Variants in CFHR4 observed in about 807,000 individuals in gnomAD.
CFHR4 encodes complement factor H related 4.
CFHR4 carries 64 observed loss-of-function variants against 69.3 expected under a neutral mutation model. That is an observed-to-expected ratio of 0.92 (90% CI 0.76 to 1.14). The LOEUF is 1.14. Among genes scored for constraint, CFHR4 ranks in the 50% most tolerant of loss-of-function variants. The pLI is 0.00. For synonymous variants in CFHR4, 244 were observed against 237.0 expected (o/e 1.03, Z -0.27); for missense variants, 636 against 684.9 (o/e 0.93, Z 0.80).
At position 196,912,547 on chromosome 1, in the gene CFHR4, C is replaced by T. The variant is rs191392544; in HGVS notation, c.998-193C>T. On this transcript the variant is annotated intron_variant, in intron 6 of 9. Transcript: ENST00000608469. Reference sequence around the variant, plus strand: ...GCTTTTATTCTGCCCTTCCCTGTGTCTTCAACATTTCCTTCAGAAATTCGT... The same window carrying T: ...GCTTTTATTCTGCCCTTCCCTGTGTTTTCAACATTTCCTTCAGAAATTCGT... 3.3e-3 allele frequency among the ~76,000 whole-genome samples: 501 copies of T among 150,832 alleles called. 19 individuals carry two copies. Among genetic ancestry groups the T allele is most frequent in the African/African-American group, 0.012 (469 of 40,536 alleles).
intron 1 of CFHR4, among the ~76,000 whole-genome samples, chr1:196,899,430 A>G (rs1657479832): frequency 6.6e-6 from 1 of 151,462 alleles, no homozygotes; most frequent in Non-Finnish European, 1.5e-5. Flanking sequence ...AGCAGTTGGG[A>G]ATATAGGCAT....
intron 1 of CFHR4, among the ~76,000 whole-genome samples, 197 bp downstream of exon 1, chr1:196,888,405 A>G (rs1656841915): frequency 1.3e-5 from 2 of 151,446 alleles, no homozygotes; most frequent in South Asian, 2.1e-4. Flanking sequence ...GAAAAAATGA[A>G]TAATATTTTC....
chr1:196,906,716 A>T (rs1047802492), intron 3 of CFHR4, 145 bp from the exon 4 acceptor site: 26 of 801,584 alleles, frequency 3.2e-5, no homozygotes, highest in Non-Finnish European at 4.1e-5. Flanking sequence ...CACAAAAAAA[A>T]CACTGATTGT....
intron 1 of CFHR4, among the ~76,000 whole-genome samples, chr1:196,897,770 T>C (rs949880177): frequency 1.3e-5 from 2 of 151,296 alleles, no homozygotes; most frequent in Non-Finnish European, 2.9e-5. Context: ...GTTGGGTTTA[T>C]ATGGGGGCTG....
In CFHR4 at chr1:196,913,547, C is replaced by T. The variant is rs115304504; in HGVS notation, c.1180+625C>T. 7.6e-3 allele frequency among the ~76,000 whole-genome samples: 1,150 copies of T among 151,490 alleles called. 59 individuals are homozygous for T. The highest frequency in any genetic ancestry group is 0.027 in the African/African-American group (1,090 of 41,108). ...ACATGTAAAGTTCTCTGAACATGCT[C>T]GACCTTTACTTATTATGATAAAGAG... is the stretch of plus-strand genomic sequence containing the variant. On this transcript the variant is annotated intron_variant, in intron 7 of 9. Transcript: ENST00000608469.
At chr1:196,894,750 C>T (rs943148885) in intron 1 of CFHR4, among the ~76,000 whole-genome samples, 1 of 151,340 alleles carries the variant, frequency 6.6e-6, no homozygotes, top group Non-Finnish European at 1.5e-5. Flanking sequence ...TGTGTCTTTG[C>T]TATTTAAAAA....
intron 1 of CFHR4, 103 bp from the exon 2 acceptor site, chr1:196,902,315 A>T (rs1657659028): frequency 7.2e-6 from 6 of 835,934 alleles, no homozygotes; most frequent in Non-Finnish European, 9.1e-6. Context: ...CCCCTAATTC[A>T]TTACACTAAG....
At chr1:196,909,709 C>T (rs1658130394) in intron 5 of CFHR4, among the ~76,000 whole-genome samples, 1 of 151,116 alleles carries the variant, frequency 6.6e-6, no homozygotes, top group African/African-American at 2.4e-5. Flanking sequence ...GAAAAGTTTA[C>T]CATGGAAGAA....
intron 9 of CFHR4, among the ~76,000 whole-genome samples, chr1:196,917,819 A>T (rs1195993247): frequency 6.6e-6 from 1 of 151,694 alleles, no homozygotes; most frequent in Non-Finnish European, 1.5e-5. Context: ...GTACATTTGG[A>T]GTGCTTGTAG....
intron 7 of CFHR4, among the ~76,000 whole-genome samples, chr1:196,913,994 T>A (rs569821345): frequency 6.6e-6 from 1 of 151,570 alleles, no homozygotes; most frequent in Admixed American, 6.6e-5. Context: ...CTTTGATAAA[T>A]GATCTACTTT....
At position 196,914,550 on chromosome 1, in the gene CFHR4, GTT is replaced by G. The variant is rs1413613111; in HGVS notation, c.1238_1239del (p.Phe413Ter). ...CCAGAGCCAAGAGTAATGGCATGCG[GTT>G]TAAGCTCCATGACACATTGGACTAC... ...NSRAKSNGMR[F>X]KLHDTLDYEC... On this transcript the variant is annotated frameshift_variant, in exon 8 of 10. Transcript: ENST00000608469. LOFTEE classifies it high-confidence loss of function. 1.2e-6 allele frequency: 2 copies of G among 1,610,692 alleles called. No homozygotes were observed. Among genetic ancestry groups the G allele is most frequent in the Non-Finnish European group, 1.7e-6 (2 of 1,178,632 alleles).
chr1:196,888,111 C>T lies in CFHR4; in HGVS notation c.-40C>T. The T allele has an allele frequency of 6.3e-7, 1 of 1,593,406 alleles. No homozygotes were observed. Among genetic ancestry groups the T allele is most frequent in the Non-Finnish European group, 8.6e-7 (1 of 1,163,618 alleles). ...AGATTTCAAACCCCAAACAGTGCAA[C>T]TGAAACTTTTGCATTACTATACTAC... On this transcript the variant is annotated 5_prime_UTR_variant, in exon 1 of 10. Coordinates refer to ENST00000608469, the MANE Select transcript of CFHR4 (RefSeq NM_001201550.3).
At chr1:196,914,181 T>C (rs542088111) in intron 7 of CFHR4, among the ~76,000 whole-genome samples, 6 of 151,560 alleles carry the variant, frequency 4.0e-5, no homozygotes, top group Non-Finnish European at 8.8e-5. Context: ...AAATAATAGA[T>C]TGTAGTATCA....
intron 1 of CFHR4, among the ~76,000 whole-genome samples, chr1:196,898,169 T>C (rs1160637701): frequency 1.3e-5 from 2 of 151,466 alleles, no homozygotes; most frequent in Non-Finnish European, 2.9e-5. Flanking sequence ...CAAAATGATG[T>C]CTACACACCT....
Position 196,901,493 on chromosome 1 carries a change from T to C in CFHR4, c.59-925T>C, listed in dbSNP as rs1271756019. ...AGAATAATGGAGATAATAAACAATA[T>C]TGTGCGTGTGTGTGTGGTGCATATG... On this transcript the variant is annotated intron_variant, in intron 1 of 9. Transcript: ENST00000608469. 1.3e-5 allele frequency among the ~76,000 whole-genome samples: 2 copies of C among 151,248 alleles called. 1 individual carries two copies. The highest frequency in any genetic ancestry group is 4.9e-5 in the African/African-American group (2 of 40,996).
rs773186422 is a variant in CFHR4, at chr1:196,906,987, A to G, written c.566A>G (p.Asp189Gly). ...GYESSYGNTT[D>G]SIVCGEDGWS... ...GAAAGCAGTTATGGAAACACCACAG[A>G]TTCCATAGTGTGTGGTGAAGATGGC... Residue 189 changes from aspartate (D) to glycine (G), a missense_variant, in exon 4 of 10, where the codon GAT (aspartate) becomes GGT (glycine). This residue lies in a region of CFHR4 where 529 missense variants were observed against 533.2 expected (regional missense o/e 0.99). Transcript: ENST00000608469. The G allele has an allele frequency of 4.3e-6, 7 of 1,612,414 alleles. No individual in the cohort carries two copies. The Admixed American group carries it at 6.7e-5, about 15-fold the overall frequency.
intron 2 of CFHR4, 116 bp from the exon 3 acceptor site, chr1:196,904,992 C>A: frequency 9.7e-7 from 1 of 1,028,860 alleles, no homozygotes; most frequent in Non-Finnish European, 1.4e-6. Context: ...TTGCTGTTTT[C>A]AATTCATTAA....
In CFHR4 at chr1:196,914,612, A is replaced by G; in HGVS notation, c.1298A>G (p.Asn433Ser). Residue 433 changes from asparagine to serine, a missense_variant, in exon 8 of 10, where the codon AAC becomes AGC. Around this residue, in one of 3 missense-constraint regions of CFHR4, gnomAD observed 529 missense variants for 533.2 expected, o/e 0.99. Transcript: ENST00000608469. The part of the protein sequence containing the change: ...CYDGYEISYG[N>S]TTGSIVCGED... The stretch of plus-strand genomic sequence containing the variant: ...GATGGATATGAAATCAGTTATGGAA[A>G]CACCACAGGTTCCATAGTGTGTGGT... The G allele has an allele frequency of 6.2e-7, 1 of 1,611,722 alleles. No individual in the cohort carries two copies. Among genetic ancestry groups the G allele is most frequent in the Non-Finnish European group, 8.5e-7 (1 of 1,179,088 alleles).
rs563318898 is a variant in CFHR4 at position 196,904,854 on chromosome 1, A to C, written c.257-254A>C. Among the ~76,000 whole-genome samples the C allele has an allele frequency of 2.6e-5, 4 of 151,724 alleles. No individual in the cohort carries two copies. In the South Asian group the frequency reaches 8.3e-4, roughly 31 times the overall value. On this transcript the variant is annotated intron_variant, in intron 2 of 9. Coordinates refer to ENST00000608469, the MANE Select transcript of CFHR4 (RefSeq NM_001201550.3). ...TTATAGGGAATTGAGAGTCTGCTAG[A>C]TCTGCATTCCTCAAGGCCTGCCAGA...
Sources: allele counts gnomAD v4.1 joint callset (sites outside exome capture counted in the v4.1 genomes callset), GRCh38; gene constraint gnomAD v4.1.1; regional missense constraint gnomAD v4.1.1; transcripts MANE v1.5; gene names NCBI Gene and HGNC (gene_info 2026-07-23, HGNC 2026-07-21).